The following SPAG16 variants were observed in gnomAD, a reference collection of about 807,000 sequenced individuals.
The protein encoded by SPAG16 is sperm-associated antigen 16 protein.
In SPAG16, 86 loss-of-function variants were observed where a neutral mutation model predicts 80.4. The observed-to-expected ratio is 1.07, with a 90% CI of 0.90 to 1.28. The LOEUF (loss-of-function observed/expected upper bound fraction) is 1.28, where lower values mean the gene tolerates loss of function less well. Ranked by LOEUF, SPAG16 falls within the 50% of genes most tolerant of loss-of-function variation. SPAG16 has a pLI of 0.00. For synonymous variants in SPAG16, 294 were observed against 265.9 expected, an observed-to-expected ratio of 1.11 and a Z score of -1.03; for missense variants, 870 against 765.3, an observed-to-expected ratio of 1.14 and a Z score of -1.61.
chr2:213,847,720 G>C (rs555945574), intron 10 of SPAG16, among the ~76,000 whole-genome samples: 1 of 152,158 alleles, frequency 6.6e-6, no homozygotes, highest in African/African-American at 2.4e-5. Flanking sequence ...GTAGTGAGAG[G>C]ACAACAGGAT....
chr2:213,887,063 A>G (rs755237218), intron 11 of SPAG16, among the ~76,000 whole-genome samples: 1 of 152,118 alleles, frequency 6.6e-6, no homozygotes, highest in African/African-American at 2.4e-5. Flanking sequence ...TTAGACCTAC[A>G]TAAGAGTTGT....
intron 10 of SPAG16, among the ~76,000 whole-genome samples, chr2:213,604,080 C>T (rs2061167500): frequency 6.6e-6 from 1 of 151,928 alleles, no homozygotes; most frequent in Admixed American, 6.5e-5. Flanking sequence ...TTAGTAGAGA[C>T]AGGGTTTCAC....
intron 15 of SPAG16, among the ~76,000 whole-genome samples, chr2:214,233,907 G>A (rs1688884773): frequency 6.6e-6 from 1 of 151,752 alleles, no homozygotes; most frequent in South Asian, 2.1e-4. Context: ...TTTGAGTTCA[G>A]GGGTACATGC....
At chr2:213,588,512 C>T (rs1296694066) in intron 10 of SPAG16, among the ~76,000 whole-genome samples, 5 of 151,154 alleles carry the variant, frequency 3.3e-5, no homozygotes. Flanking sequence ...GATAAGACTC[C>T]CTATCCATGG....
At chr2:213,719,037 G>C (rs1401857771) in intron 10 of SPAG16, among the ~76,000 whole-genome samples, 4 of 152,154 alleles carry the variant, frequency 2.6e-5, no homozygotes, top group African/African-American at 9.7e-5. Flanking sequence ...TTAGCTCAAG[G>C]TTTGTGAGTG....
chr2:214,097,998 A>G (rs2052722497), intron 13 of SPAG16, among the ~76,000 whole-genome samples: 2 of 152,040 alleles, frequency 1.3e-5, no homozygotes, highest in African/African-American at 4.8e-5. Context: ...GTAAGCAGCA[A>G]AGCCCAAATT....
intron 11 of SPAG16, among the ~76,000 whole-genome samples, chr2:213,878,351 CTT>C (rs1486150288): frequency 6.6e-6 from 1 of 151,968 alleles, no homozygotes; most frequent in Non-Finnish European, 1.5e-5. Flanking sequence ...TATTTTTTGA[CTT>C]TTAAATAACA....
At chr2:214,027,423 A>C (rs2048189139) in intron 13 of SPAG16, among the ~76,000 whole-genome samples, 1 of 151,672 alleles carries the variant, frequency 6.6e-6, no homozygotes, top group East Asian at 1.9e-4. Flanking sequence ...ATGGTTTCTA[A>C]GTAATTGATC....
chr2:214,352,558 C>CTGTG (rs761835945), intron 15 of SPAG16, among the ~76,000 whole-genome samples: 1 of 142,468 alleles, frequency 7.0e-6, no homozygotes, highest in South Asian at 2.2e-4. Flanking sequence ...CTTTTTTTCT[C>CTGTG]TGTGTGTGTG....
intron 10 of SPAG16, among the ~76,000 whole-genome samples, chr2:213,701,418 C>T (rs2065412250): frequency 6.6e-6 from 1 of 152,090 alleles, no homozygotes; most frequent in African/African-American, 2.4e-5. Context: ...CCCTCACTCA[C>T]TCTTGGCGCC....
intron 10 of SPAG16, among the ~76,000 whole-genome samples, chr2:213,837,653 A>G (rs1045858942): frequency 2.0e-5 from 3 of 152,334 alleles, no homozygotes; most frequent in Non-Finnish European, 4.4e-5. Context: ...AATGCACCCC[A>G]GCAAATGTCC....
At chr2:213,621,742 G>T (rs2061794497) in intron 10 of SPAG16, among the ~76,000 whole-genome samples, 1 of 152,116 alleles carries the variant, frequency 6.6e-6, no homozygotes, top group Admixed American at 6.6e-5. Context: ...TTTAAAAGAA[G>T]TTTTTGAATC....
chr2:214,037,708 A>G (rs1041711338), intron 13 of SPAG16, among the ~76,000 whole-genome samples: 2 of 152,100 alleles, frequency 1.3e-5, no homozygotes, highest in African/African-American at 4.8e-5. Flanking sequence ...ATTTTGGTGC[A>G]TAGATATTGA....
intron 13 of SPAG16, among the ~76,000 whole-genome samples, chr2:214,065,399 T>C (rs893107150): frequency 2.6e-5 from 4 of 152,112 alleles, no homozygotes; most frequent in Admixed American, 6.6e-5. Context: ...ATAGTAGGTA[T>C]ACAATAAATA....
At chr2:213,885,852 C>T (rs74655044) in intron 11 of SPAG16, among the ~76,000 whole-genome samples, 1,647 of 152,214 alleles carry the variant, frequency 0.011, 36 homozygotes, top group African/African-American at 0.035. Context: ...ATTCCCTTGA[C>T]GCTCAAAATA....
chr2:214,378,132 A>C (rs188311252), intron 15 of SPAG16, among the ~76,000 whole-genome samples: 19 of 152,326 alleles, frequency 1.2e-4, no homozygotes, highest in Admixed American at 1.2e-3. Context: ...ATTCTTCTCT[A>C]AAACTTCCAG....
intron 13 of SPAG16, among the ~76,000 whole-genome samples, chr2:214,066,725 AG>A (rs1467488359): frequency 6.6e-6 from 1 of 152,200 alleles, no homozygotes; most frequent in African/African-American, 2.4e-5. Flanking sequence ...AAGATAGCAA[AG>A]AAAAAAACAT....
intron 15 of SPAG16, among the ~76,000 whole-genome samples, chr2:214,215,850 C>A (rs931646636): frequency 6.6e-6 from 1 of 152,182 alleles, no homozygotes; most frequent in Non-Finnish European, 1.5e-5. Flanking sequence ...TGGCTTAAAT[C>A]CCACCTTTGT....
chr2:213,992,007 A>G (rs971864230), intron 12 of SPAG16, among the ~76,000 whole-genome samples: 1 of 152,220 alleles, frequency 6.6e-6, no homozygotes, highest in East Asian at 1.9e-4. Flanking sequence ...TTTGTGTCAC[A>G]TCGGACTTCA....
Sources: gnomAD v4.1 joint callset for allele counts (sites outside exome capture counted in the v4.1 genomes callset) on GRCh38, gnomAD v4.1.1 for gene constraint, MANE v1.5 for transcripts, NCBI Gene and HGNC (gene_info 2026-07-23, HGNC 2026-07-21) for gene names.